The following WNK2 variants were observed in gnomAD, a reference collection of about 807,000 sequenced individuals.
WNK2 encodes the protein WNK lysine deficient protein kinase 2.
A neutral mutation model predicts 192.1 loss-of-function variants in WNK2; 67 were observed. The ratio of observed to expected loss-of-function variants is 0.35; its 90% CI spans 0.29 to 0.43. WNK2 has a LOEUF of 0.43. Ranked by LOEUF, WNK2 falls within the 20% of genes least tolerant of loss-of-function variation. The pLI is 1.00. For missense variants in WNK2, 2,698 were observed against 3,089.7 expected (o/e 0.87, Z 3.01); for synonymous variants, 1,439 against 1,393.9 (o/e 1.03, Z -0.72).
chr9:93,256,967 C>T lies in WNK2; in HGVS notation c.2210C>T (p.Pro737Leu), dbSNP rs770446487. 3.6e-5 allele frequency: 57 copies of T among 1,578,874 alleles called. No homozygotes were observed. Among genetic ancestry groups the T allele is most frequent in the African/African-American group, 1.2e-4 (9 of 74,162 alleles). Reference sequence around the variant, plus strand: ...CTCTAGCCTCCTCCGCTGGCCCAGCCGACACCCCTGCCGCAGGTCCTGGCC... The same window carrying T: ...CTCTAGCCTCCTCCGCTGGCCCAGCTGACACCCCTGCCGCAGGTCCTGGCC... ...PGQQPPPLAQPTPLPQVLAPQ... is the reference protein window; with the variant it reads ...PGQQPPPLAQLTPLPQVLAPQ... The change falls in exon 11 of 30, where the codon CCG (proline) becomes CTG (leucine). Residue 737 changes from proline to leucine, a missense_variant. Transcript: ENST00000427277.
intron 2 of WNK2, among the ~76,000 whole-genome samples, chr9:93,196,187 T>C (rs1831242605): frequency 6.6e-6 from 1 of 152,146 alleles, no homozygotes; most frequent in South Asian, 2.1e-4. Context: ...GTTAACAGGC[T>C]GACTGTTAGT....
At chr9:93,222,829 C>T (rs1181263395) in intron 2 of WNK2, among the ~76,000 whole-genome samples, 1 of 151,904 alleles carries the variant, frequency 6.6e-6, no homozygotes. Context: ...ATTACAGGCG[C>T]CTGCCACCAC....
At chr9:93,188,268 C>T (rs1446851302) in intron 2 of WNK2, among the ~76,000 whole-genome samples, 3 of 152,192 alleles carry the variant, frequency 2.0e-5, no homozygotes, top group Non-Finnish European at 4.4e-5. Context: ...AACTGAGAGG[C>T]GCCAGTGGGG....
rs762929680 is a variant in WNK2, at chr9:93,257,027, C to G, written c.2270C>G (p.Pro757Arg). Residue 757 changes from proline to arginine, a missense_variant, in exon 11 of 30, where the codon CCC (proline) becomes CGC (arginine). By Grantham distance (103) the Pro-to-Arg change is moderately radical (BLOSUM62 -2). Around this residue, in one of 7 missense-constraint regions of WNK2, gnomAD observed 893 missense variants for 909.0 expected, o/e 0.98. Transcript: ENST00000427277. This position sits in a 1 kb window ranked among gnomAD's most constrained non-coding sequence, Gnocchi z 4.7. ...QPVVPLQPVP[P>R]HLPPYLAPAS... The stretch of plus-strand genomic sequence containing the variant: ...GTGGTCCCCCTCCAGCCGGTTCCCC[C>G]CCACCTGCCACCGTACCTGGCTCCA... The G allele has an allele frequency of 8.1e-6, 13 of 1,604,266 alleles. No individual in the cohort carries two copies. Among genetic ancestry groups the G allele is most frequent in the East Asian group, 4.5e-5 (2 of 44,606 alleles).
At chr9:93,276,253 A>G (rs1846854482) in intron 19 of WNK2, among the ~76,000 whole-genome samples, 1 of 152,232 alleles carries the variant, frequency 6.6e-6, no homozygotes, top group African/African-American at 2.4e-5. Flanking sequence ...ATTGGTACAC[A>G]CATCGGTGGA....
intron 4 of WNK2, among the ~76,000 whole-genome samples, chr9:93,233,222 T>C (rs1839190460): frequency 6.8e-6 from 1 of 147,928 alleles, no homozygotes; most frequent in East Asian, 2.0e-4. Context: ...AAAAAATTGC[T>C]AGTGCAGCAA....
intron 19 of WNK2, among the ~76,000 whole-genome samples, chr9:93,286,101 C>T (rs1012895720): frequency 1.3e-5 from 2 of 152,114 alleles, no homozygotes; most frequent in African/African-American, 2.4e-5. Context: ...ATGGCCCCCA[C>T]GTAGAACACA....
rs149775222 is a variant in WNK2, at chr9:93,268,718, A to G, written c.4005A>G (p.Leu1335=). 2.5e-6 allele frequency: 4 copies of G among 1,612,802 alleles called. No individual in the cohort carries two copies. Among genetic ancestry groups the G allele is most frequent in the African/African-American group, 2.7e-5 (2 of 74,874 alleles). Residue 1335 remains leucine (L), a synonymous_variant, in exon 19 of 30, where the codon CTA becomes CTG. Coordinates refer to ENST00000427277, the MANE Select transcript of WNK2 (RefSeq NM_006648.4). ...EAPESSPPLP[L]SSLPPEASQD... is the part of the protein sequence containing the mutation. Reference sequence around the variant, plus strand: ...CTGAATCTTCGCCCCCACTTCCTCTAAGCTCCCTGCCGCCAGAAGCCAGCC... The same window carrying G: ...CTGAATCTTCGCCCCCACTTCCTCTGAGCTCCCTGCCGCCAGAAGCCAGCC...
intron 16 of WNK2, among the ~76,000 whole-genome samples, chr9:93,266,248 G>A (rs1225935937): frequency 6.6e-6 from 1 of 152,146 alleles, no homozygotes; most frequent in African/African-American, 2.4e-5. Flanking sequence ...AGCTGTCCCT[G>A]AATGTCCCAT....
At position 93,293,413 on chromosome 9, in the gene WNK2, G is replaced by A. The variant is rs183828725; in HGVS notation, c.5708+240G>A. Reference sequence around the variant, plus strand: ...TCGCTCGCTGCAACCTCCACCTCCCGGGTTCAAGCGATTCTCCTCCCTCAG... The same window carrying A: ...TCGCTCGCTGCAACCTCCACCTCCCAGGTTCAAGCGATTCTCCTCCCTCAG... On this transcript the variant is annotated intron_variant, in intron 23 of 29. Coordinates refer to ENST00000427277, the MANE Select transcript of WNK2 (RefSeq NM_006648.4). Among the ~76,000 whole-genome samples the A allele has an allele frequency of 1.5e-3, 221 of 150,964 alleles. 1 individual carries two copies. The highest frequency in any genetic ancestry group is 4.9e-3 in the African/African-American group (200 of 41,002).
intron 4 of WNK2, among the ~76,000 whole-genome samples, chr9:93,233,878 A>G (rs1036242142): frequency 6.6e-6 from 1 of 152,200 alleles, no homozygotes; most frequent in Admixed American, 6.5e-5. Context: ...TGAAGTCTCT[A>G]GTCCCTTTCT....
chr9:93,234,964 G>C lies in WNK2; in HGVS notation c.1232G>C (p.Cys411Ser). 6.2e-7 allele frequency: 1 copy of C among 1,614,008 alleles called. No homozygotes were observed. Residue 411 changes from cysteine to serine, a missense_variant and splice_region_variant, in exon 5 of 30, where the codon TGT becomes TCT. Cys to Ser is a moderately radical substitution (Grantham distance 112). Around this residue, in one of 7 missense-constraint regions of WNK2, gnomAD observed 230 missense variants for 501.1 expected, o/e 0.46. Coordinates refer to ENST00000427277, the MANE Select transcript of WNK2 (RefSeq NM_006648.4). ...NAAQIYRKVT[C>S]GIKPASFEKV... ...GCCCAGATCTACCGCAAGGTCACCTGTGTGAGTCCACCTGGCCCCTTGGTT... is the reference window on the plus strand; with the variant it reads ...GCCCAGATCTACCGCAAGGTCACCTCTGTGAGTCCACCTGGCCCCTTGGTT...
chr9:93,201,206 TG>T (rs948351406), intron 2 of WNK2, among the ~76,000 whole-genome samples: 3 of 152,172 alleles, frequency 2.0e-5, no homozygotes, highest in African/African-American at 7.2e-5. Flanking sequence ...ACAGCCCCTC[TG>T]TGTGGCCGAG....
chr9:93,256,987 C>T lies in WNK2; in HGVS notation c.2230C>T (p.Leu744=), dbSNP rs764366263. ...LAQPTPLPQV[L]APQPVVPLQP... is the part of the protein sequence containing the mutation. ...CCAGCCGACACCCCTGCCGCAGGTC[C>T]TGGCCCCACAGCCCGTGGTCCCCCT... The change falls in exon 11 of 30, where the codon CTG becomes TTG. Residue 744 remains leucine (L), a synonymous_variant. Coordinates refer to ENST00000427277, the MANE Select transcript of WNK2 (RefSeq NM_006648.4). 1.3e-6 allele frequency: 2 copies of T among 1,595,124 alleles called. No individual in the cohort carries two copies.
intron 19 of WNK2, among the ~76,000 whole-genome samples, chr9:93,271,591 A>G (rs1846014437): frequency 6.6e-6 from 1 of 152,260 alleles, no homozygotes; most frequent in Non-Finnish European, 1.5e-5. Flanking sequence ...TTTAACATTG[A>G]AAGTTAAAAT....
chr9:93,261,091 G>A (rs889217891), intron 12 of WNK2, among the ~76,000 whole-genome samples: 1 of 152,124 alleles, frequency 6.6e-6, no homozygotes, highest in Non-Finnish European at 1.5e-5. Context: ...TTGTCTGTCC[G>A]GGAGGGAAGT....
chr9:93,247,983 A>G lies in WNK2; in HGVS notation c.1834+149A>G, dbSNP rs1230612085. Reference sequence around the variant, plus strand: ...CGCATGGCATCCCCTCGGAGGAGACATCGTGTAGCTCTGAGCTGTCCTCAC... The same window carrying G: ...CGCATGGCATCCCCTCGGAGGAGACGTCGTGTAGCTCTGAGCTGTCCTCAC... On this transcript the variant is annotated intron_variant, in intron 8 of 29. Transcript: ENST00000427277. This position sits in a 1 kb window ranked among gnomAD's most constrained non-coding sequence, Gnocchi z 5.2. 4 of 916,078 alleles carry G rather than the reference A, an allele frequency of 4.4e-6. No individual in the cohort carries two copies. In the East Asian group the frequency reaches 8.0e-5, roughly 18 times the overall value. The allele number at this position is 916,078 out of a possible 1,614,324, so 56.7% of individuals were successfully genotyped here. A position where few individuals can be genotyped will look rare whatever the true frequency, so the allele number is the denominator to read the frequency against.
At chr9:93,278,255 G>A (rs938679609) in intron 19 of WNK2, among the ~76,000 whole-genome samples, 4 of 152,138 alleles carry the variant, frequency 2.6e-5, no homozygotes, top group Non-Finnish European at 4.4e-5. Flanking sequence ...TTTCCAAGGC[G>A]GAGTTCTGGA....
rs560781574 is a variant in WNK2 at position 93,289,250 on chromosome 9, T to A, written c.4496T>A (p.Leu1499Gln). ...CCCGCCTTGGGTCAACCTGCTCCCC[T>A]GCTTCCTGCCGCAGTGGGGGCCGTC... ...PQPALGQPAP[L>Q]LPAAVGAVSL... Residue 1499 changes from leucine (L) to glutamine (Q), a missense_variant, in exon 20 of 30, where the codon CTG becomes CAG. Around this residue, in one of 7 missense-constraint regions of WNK2, gnomAD observed 1,098 missense variants for 1,101.0 expected, o/e 1.00. Coordinates refer to ENST00000427277, the MANE Select transcript of WNK2 (RefSeq NM_006648.4). 57 of 1,604,490 alleles carry A rather than the reference T, an allele frequency of 3.6e-5. 1 individual carries two copies. In the African/African-American group the frequency reaches 3.7e-4, roughly 11 times the overall value.
Sources: gnomAD v4.1 joint callset for allele counts (sites outside exome capture counted in the v4.1 genomes callset) on GRCh38, gnomAD v4.1.1 for gene constraint, gnomAD v4.1.1 regional missense constraint, Gnocchi (gnomAD v3.1) non-coding constraint, MANE v1.5 for transcripts, NCBI Gene and HGNC (gene_info 2026-07-23, HGNC 2026-07-21) for gene names.